The following LMX1A variants were observed in gnomAD, a reference collection of about 807,000 sequenced individuals.
LMX1A encodes LIM homeobox transcription factor 1 alpha.
LMX1A carries 15 observed loss-of-function variants against 49.1 expected under a neutral mutation model. The ratio of observed to expected loss-of-function variants is 0.31; its 90% CI spans 0.20 to 0.47. LMX1A has a LOEUF of 0.47. LMX1A is among the 20% of genes least tolerant of loss of function. The pLI is 1.00. For missense variants in LMX1A, 372 were observed against 475.8 expected (o/e 0.78, Z 2.03); for synonymous variants, 167 against 185.7 (o/e 0.90, Z 0.82).
intron 4 of LMX1A, among the ~76,000 whole-genome samples, chr1:165,221,660 G>T (rs1021894926): frequency 2.0e-5 from 3 of 152,194 alleles, no homozygotes; most frequent in African/African-American, 7.2e-5. Context: ...GTCCAGGCAG[G>T]CCCCAAAGGG....
At chr1:165,224,054 G>T (rs546187322) in intron 4 of LMX1A, among the ~76,000 whole-genome samples, 13 of 152,278 alleles carry the variant, frequency 8.5e-5, no homozygotes, top group Admixed American at 8.5e-4. Context: ...TGGATCATGG[G>T]GGCAGTTTCT....
At chr1:165,306,286 A>G (rs1446392425) in intron 3 of LMX1A, among the ~76,000 whole-genome samples, 1 of 152,166 alleles carries the variant, frequency 6.6e-6, no homozygotes, top group Non-Finnish European at 1.5e-5. Context: ...TTTGGATATA[A>G]ATTTCCCTCT....
intron 3 of LMX1A, among the ~76,000 whole-genome samples, chr1:165,310,461 G>T (rs939569671): frequency 2.0e-5 from 3 of 152,128 alleles, no homozygotes; most frequent in African/African-American, 7.2e-5. Context: ...TCTATCAAAA[G>T]CCACAGGGCA....
rs1176698251 is a variant in LMX1A at position 165,249,532 on chromosome 1, G to A, written c.372C>T (p.Val124=). The A allele has an allele frequency of 6.2e-7, 1 of 1,614,030 alleles. No individual in the cohort carries two copies. Among genetic ancestry groups the A allele is most frequent in the African/African-American group, 1.3e-5 (1 of 74,910 alleles). Residue 124 remains valine, a synonymous_variant, in exon 4 of 9, where the codon GTC becomes GTT. Coordinates refer to ENST00000342310, the MANE Select transcript of LMX1A (RefSeq NM_177398.4). The part of the protein sequence containing the change: ...VYHLSCFCCC[V]CERQLQKGDE... ...CACCCTTCTGAAGCTGTCGCTCGCA[G>A]ACACAGCAGCAGAAGCAGCTCAGGT... is the stretch of plus-strand genomic sequence containing the variant.
chr1:165,207,667 T>C (rs1337094011), intron 7 of LMX1A: 1 of 184,314 alleles, frequency 5.4e-6, no homozygotes, highest in Non-Finnish European at 1.1e-5. Context: ...TCATTATTTT[T>C]ACTACTTTAT....
chr1:165,209,605 C>G (rs982705405), intron 6 of LMX1A, among the ~76,000 whole-genome samples: 4 of 152,204 alleles, frequency 2.6e-5, no homozygotes, highest in African/African-American at 9.7e-5. Flanking sequence ...TTCCAGACAG[C>G]TGAATACATG....
intron 4 of LMX1A, among the ~76,000 whole-genome samples, chr1:165,231,579 G>A (rs1451785479): frequency 4.6e-5 from 7 of 152,186 alleles, no homozygotes; most frequent in Non-Finnish European, 1.0e-4. Flanking sequence ...CCAATGTTAT[G>A]TTCACAACTT....
chr1:165,318,447 A>C (rs1253898797), intron 3 of LMX1A, among the ~76,000 whole-genome samples: 1 of 151,176 alleles, frequency 6.6e-6, no homozygotes, highest in East Asian at 2.0e-4. Flanking sequence ...CTTCAGGTTC[A>C]GAGCATTTGT....
rs926657859 is a variant in LMX1A at position 165,243,727 on chromosome 1, G to A, written c.496+5681C>T. On this transcript the variant is annotated intron_variant, in intron 4 of 8. Transcript: ENST00000342310. ...AAGACCATGGTTTGAGTTTACATAC[G>A]GAGACCGATGTTGGAATTCAATGTA... is the stretch of plus-strand genomic sequence containing the variant. 4.6e-5 allele frequency among the ~76,000 whole-genome samples: 7 copies of A among 152,292 alleles called. No homozygotes were observed. In the East Asian group the frequency reaches 9.6e-4, roughly 21 times the overall value.
chr1:165,236,139 G>T (rs1256418859), intron 4 of LMX1A, among the ~76,000 whole-genome samples: 3 of 152,176 alleles, frequency 2.0e-5, no homozygotes, highest in Non-Finnish European at 2.9e-5. Flanking sequence ...CCTGGCAGGG[G>T]TGTAATTCAA....
chr1:165,271,984 G>C (rs1243056503), intron 3 of LMX1A, among the ~76,000 whole-genome samples: 1 of 152,176 alleles, frequency 6.6e-6, no homozygotes, highest in Non-Finnish European at 1.5e-5. Flanking sequence ...AGCACAGATA[G>C]AGGACATTTT....
intron 3 of LMX1A, among the ~76,000 whole-genome samples, chr1:165,275,743 A>G (rs769108763): frequency 1.3e-5 from 2 of 152,008 alleles, no homozygotes; most frequent in Non-Finnish European, 2.9e-5. Context: ...GGGGAGAAAA[A>G]AGTATAGGGA....
chr1:165,345,445 T>G (rs1045819666), intron 3 of LMX1A, among the ~76,000 whole-genome samples: 1 of 152,242 alleles, frequency 6.6e-6, no homozygotes, highest in Non-Finnish European at 1.5e-5. Flanking sequence ...TACCGATTGC[T>G]AGCCAGGCTT....
intron 3 of LMX1A, among the ~76,000 whole-genome samples, chr1:165,269,573 T>C (rs758501358): frequency 2.6e-5 from 4 of 152,228 alleles, no homozygotes; most frequent in Admixed American, 6.5e-5. Context: ...TAAATCATTC[T>C]ATTATAAAGA....
intron 3 of LMX1A, among the ~76,000 whole-genome samples, chr1:165,285,985 T>C (rs973259249): frequency 6.6e-6 from 1 of 152,160 alleles, no homozygotes; most frequent in Non-Finnish European, 1.5e-5. Flanking sequence ...GTCCAAGGCT[T>C]ATCGAGACTC....
At chr1:165,209,858 T>G (rs1034700638) in intron 6 of LMX1A, among the ~76,000 whole-genome samples, 2 of 152,186 alleles carry the variant, frequency 1.3e-5, no homozygotes, top group African/African-American at 4.8e-5. Flanking sequence ...TAAAACCACC[T>G]GGAGCTTGCA....
At chr1:165,246,479 T>G (rs1485837381) in intron 4 of LMX1A, among the ~76,000 whole-genome samples, 1 of 152,228 alleles carries the variant, frequency 6.6e-6, no homozygotes, top group Non-Finnish European at 1.5e-5. Context: ...CTCATCAATA[T>G]TACTTTCAAT....
chr1:165,245,042 T>C (rs1652793691), intron 4 of LMX1A, among the ~76,000 whole-genome samples: 1 of 152,142 alleles, frequency 6.6e-6, no homozygotes, highest in Admixed American at 6.6e-5. Flanking sequence ...TGTCACATGC[T>C]TTTGTGTAAG....
chr1:165,348,841 C>T (rs1468880868), intron 3 of LMX1A, among the ~76,000 whole-genome samples: 1 of 152,156 alleles, frequency 6.6e-6, no homozygotes, highest in Non-Finnish European at 1.5e-5. Flanking sequence ...TCAGCGGGTC[C>T]AAAGAAAGAT....
Sources: gnomAD v4.1 joint callset for allele counts (sites outside exome capture counted in the v4.1 genomes callset) on GRCh38, gnomAD v4.1.1 for gene constraint, MANE v1.5 for transcripts, NCBI Gene and HGNC (gene_info 2026-07-23, HGNC 2026-07-21) for gene names.